CARM1: variants seen among roughly 807,000 people sequenced by gnomAD.
The protein encoded by CARM1 is coactivator associated arginine methyltransferase 1.
In CARM1, 14 loss-of-function variants were observed where a neutral mutation model predicts 72.7. The ratio of observed to expected loss-of-function variants is 0.19; its 90% CI spans 0.13 to 0.30. CARM1 has a LOEUF of 0.30. CARM1 is among the 10% of genes least tolerant of loss of function. CARM1 has a pLI of 1.00. For missense variants in CARM1, 432 were observed against 833.7 expected, an observed-to-expected ratio of 0.52 and a Z score of 5.93; for synonymous variants, 333 against 345.5, an observed-to-expected ratio of 0.96 and a Z score of 0.40.
chr19:10,922,983 A>C lies in CARM1; in HGVS notation c.*1226A>C, dbSNP rs2074285249. ...ATATGGGGGCCCCAGCCCTGTCCCAAAGCTCCCTGCTCGGCTGCCCCTCGC... is the reference window on the plus strand; with the variant it reads ...ATATGGGGGCCCCAGCCCTGTCCCACAGCTCCCTGCTCGGCTGCCCCTCGC... On this transcript the variant is annotated 3_prime_UTR_variant, in exon 16 of 16. Coordinates refer to ENST00000327064, the MANE Select transcript of CARM1 (RefSeq NM_199141.2). 7.7e-6 allele frequency: 2 copies of C among 258,654 alleles called. No individual in the cohort carries two copies. The highest frequency in any genetic ancestry group is 1.5e-5 in the Non-Finnish European group (2 of 136,504). 16.0% of individuals were successfully genotyped at this position (258,654 alleles called of 1,614,324 possible).
Position 10,922,633 on chromosome 19 carries a change from C to G in CARM1, c.*876C>G, listed in dbSNP as rs939182822. On this transcript the variant is annotated 3_prime_UTR_variant, in exon 16 of 16. Coordinates refer to ENST00000327064, the MANE Select transcript of CARM1 (RefSeq NM_199141.2). ...TAGGCCTGAGTAGCTCCCCTCCATC[C>G]TTGTAGACGCTCCAGTCCCTACTAC... 6.6e-6 allele frequency: 1 copy of G among 152,294 alleles called. No homozygotes were observed. The highest frequency in any genetic ancestry group is 1.5e-5 in the Non-Finnish European group (1 of 68,106). The allele number at this position is 152,294 out of a possible 1,614,324, so 9.4% of individuals were successfully genotyped here.
intron 1 of CARM1, among the ~76,000 whole-genome samples, chr19:10,893,373 C>T (rs994037711): frequency 6.6e-6 from 1 of 151,152 alleles, no homozygotes. Context: ...GAGTCTTACT[C>T]TCTCCCCCAG....
intron 1 of CARM1, among the ~76,000 whole-genome samples, chr19:10,876,669 C>T (rs1473687989): frequency 6.6e-6 from 1 of 152,264 alleles, no homozygotes; most frequent in Non-Finnish European, 1.5e-5. Flanking sequence ...TGGCAACTAC[C>T]AACACCAGGC....
chr19:10,876,039 T>C (rs1355948383), intron 1 of CARM1, among the ~76,000 whole-genome samples: 1 of 151,570 alleles, frequency 6.6e-6, no homozygotes, highest in African/African-American at 2.4e-5. Context: ...CCATGCCCGG[T>C]TAATTTTTTT....
intron 1 of CARM1, among the ~76,000 whole-genome samples, chr19:10,888,186 A>G (rs544980305): frequency 6.6e-6 from 1 of 152,248 alleles, no homozygotes; most frequent in South Asian, 2.1e-4. Context: ...CTTTAGCACC[A>G]GGAAGCAGGC....
rs201425146 is a variant in CARM1, at chr19:10,920,609, G to C, written c.1334+36G>C. On this transcript the variant is annotated intron_variant, in intron 11 of 15. Transcript: ENST00000327064. This position sits in a 1 kb window ranked among gnomAD's most constrained non-coding sequence, Gnocchi z 5.3. ...TCCCTGGGGCTGGTGGTGGTGGGCA[G>C]GGGTCCATCTGCCCAGCAGCTCATG... is the stretch of plus-strand genomic sequence containing the variant. 98 of 1,613,986 alleles carry C rather than the reference G, an allele frequency of 6.1e-5. No homozygotes were observed. The East Asian group carries it at 2.2e-3, about 36-fold the overall frequency.
At chr19:10,884,851 C>T (rs376206173) in intron 1 of CARM1, among the ~76,000 whole-genome samples, 5 of 152,112 alleles carry the variant, frequency 3.3e-5, no homozygotes, top group African/African-American at 1.2e-4. Flanking sequence ...ATCATAGACA[C>T]GTGCCACCAC....
chr19:10,906,349 T>C (rs2074103953), intron 2 of CARM1, among the ~76,000 whole-genome samples: 3 of 152,236 alleles, frequency 2.0e-5, no homozygotes, highest in Non-Finnish European at 4.4e-5. Context: ...CAAAATGTGA[T>C]CATTTTAACC....
intron 1 of CARM1, among the ~76,000 whole-genome samples, chr19:10,875,649 C>G (rs981912274): frequency 1.1e-4 from 16 of 152,132 alleles, no homozygotes; most frequent in African/African-American, 3.9e-4. Context: ...TGGTCTCCAT[C>G]TCCTGACCTC....
chr19:10,921,086 C>T lies in CARM1; in HGVS notation c.1574C>T (p.Ala525Val), dbSNP rs751969389. The T allele has an allele frequency of 6.2e-7, 1 of 1,614,058 alleles. No homozygotes were observed. The highest frequency in any genetic ancestry group is 8.5e-7 in the Non-Finnish European group (1 of 1,180,002). The change falls in exon 14 of 16, where the codon GCC (alanine) becomes GTC (valine). Residue 525 changes from alanine (A) to valine (V), a missense_variant. Physicochemically the swap from Ala to Val is moderately conservative, Grantham distance 64. This residue lies in a region of CARM1 where 142 missense variants were observed against 188.7 expected (regional missense o/e 0.75). Transcript: ENST00000327064. ...PTAYDLSSVIASGSSVGHNNL... is the reference protein window; with the variant it reads ...PTAYDLSSVIVSGSSVGHNNL... Reference sequence around the variant, plus strand: ...GCCTATGACTTGAGCAGTGTTATTGCCAGTGGCTCCAGCGTGGGCCACAAC... The same window carrying T: ...GCCTATGACTTGAGCAGTGTTATTGTCAGTGGCTCCAGCGTGGGCCACAAC...
chr19:10,884,804 A>G (rs898576136), intron 1 of CARM1, among the ~76,000 whole-genome samples: 2 of 152,126 alleles, frequency 1.3e-5, no homozygotes, highest in Non-Finnish European at 2.9e-5. Context: ...TCCCGGGTTC[A>G]AGCGATTCTC....
At chr19:10,907,702 T>G (rs2074115215) in intron 2 of CARM1, among the ~76,000 whole-genome samples, 1 of 152,188 alleles carries the variant, frequency 6.6e-6, no homozygotes, top group Admixed American at 6.5e-5. Flanking sequence ...TTGGGCTTAT[T>G]TGCCAGAGCT....
intron 1 of CARM1, among the ~76,000 whole-genome samples, chr19:10,900,647 C>A (rs1052855866): frequency 3.2e-4 from 48 of 152,068 alleles, no homozygotes; most frequent in Non-Finnish European, 6.0e-4. Flanking sequence ...TGAATGCTTG[C>A]ATACGAGTGT....
rs2074234856 is a variant in CARM1 at position 10,920,641 on chromosome 19, C to T, written c.1335-18C>T. The T allele has an allele frequency of 2.5e-6, 4 of 1,614,086 alleles. No homozygotes were observed. The highest frequency in any genetic ancestry group is 1.6e-4 in the Middle Eastern group (1 of 6,062). The stretch of plus-strand genomic sequence containing the variant: ...ATCTGCCCAGCAGCTCATGCCACGG[C>T]CTGCACCCTGTCCGCAGACAGAGCT... On this transcript the variant is annotated intron_variant, in intron 11 of 15. Coordinates refer to ENST00000327064, the MANE Select transcript of CARM1 (RefSeq NM_199141.2). This position sits in a 1 kb window ranked among gnomAD's most constrained non-coding sequence, Gnocchi z 5.3.
intron 1 of CARM1, among the ~76,000 whole-genome samples, chr19:10,888,406 G>A (rs1048241410): frequency 6.6e-6 from 1 of 152,180 alleles, no homozygotes; most frequent in African/African-American, 2.4e-5. Context: ...TCATCGCTCT[G>A]TTGCTTGGTT....
chr19:10,891,021 G>A (rs534443118), intron 1 of CARM1, among the ~76,000 whole-genome samples: 1 of 151,270 alleles, frequency 6.6e-6, no homozygotes. Context: ...TGTCAGCCAC[G>A]TGCCAGATGG....
intron 13 of CARM1, 29 bp from the exon 14 acceptor site, chr19:10,921,021 A>AGCCCTGAC: frequency 6.2e-7 from 1 of 1,613,576 alleles, no homozygotes; most frequent in Non-Finnish European, 8.5e-7. Flanking sequence ...CTCTGCCTCC[A>AGCCCTGAC]GCCCTGACGT....
intron 1 of CARM1, among the ~76,000 whole-genome samples, chr19:10,879,006 CA>C (rs1356400536): frequency 6.6e-6 from 1 of 152,088 alleles, no homozygotes; most frequent in Admixed American, 6.6e-5. Context: ...GGGGTATCGC[CA>C]CGTTGGCCAG....
At chr19:10,891,371 G>A (rs1216557070) in intron 1 of CARM1, among the ~76,000 whole-genome samples, 2 of 152,190 alleles carry the variant, frequency 1.3e-5, no homozygotes, top group Non-Finnish European at 2.9e-5. Flanking sequence ...GGATCTTACT[G>A]CACCTGGCTC....
Sources: allele counts gnomAD v4.1 joint callset (sites outside exome capture counted in the v4.1 genomes callset), GRCh38; gene constraint gnomAD v4.1.1; regional missense constraint gnomAD v4.1.1; non-coding constraint Gnocchi (gnomAD v3.1); transcripts MANE v1.5; gene names NCBI Gene and HGNC (gene_info 2026-07-23, HGNC 2026-07-21).